The following PRKCZ variants were observed in gnomAD, a reference collection of about 807,000 sequenced individuals.
PRKCZ encodes protein kinase C zeta type.
Under a neutral mutation model 79.5 loss-of-function variants are expected in PRKCZ, and 33 were observed. That is an observed-to-expected ratio of 0.41 (90% CI 0.31 to 0.55). The LOEUF is 0.55. Among genes scored for constraint, PRKCZ ranks in the 20% least tolerant of loss-of-function variants. The pLI is 0.19. For missense variants in PRKCZ, 578 were observed against 813.5 expected (o/e 0.71, Z 3.52); for synonymous variants, 342 against 320.9 (o/e 1.07, Z -0.70).
chr1:2,119,709 C>A (rs1671466485), intron 4 of PRKCZ, among the ~76,000 whole-genome samples: 1 of 152,152 alleles, frequency 6.6e-6, no homozygotes, highest in Non-Finnish European at 1.5e-5. Flanking sequence ...TGGAGACCAG[C>A]TTCCTTCTGC....
Position 2,182,169 on chromosome 1 carries a change from G to GT in PRKCZ, c.1576-2408dup, listed in dbSNP as rs1373387185. On this transcript the variant is annotated intron_variant, in intron 16 of 17. Coordinates refer to ENST00000378567, the MANE Select transcript of PRKCZ (RefSeq NM_002744.6). ...TGTAAGTTCCCAAAAGCCTATGAGG[G>GT]TTTTTTCCACGATTCCGTTCCCAGT... is the stretch of plus-strand genomic sequence containing the variant. 7.7e-5 allele frequency: 17 copies of GT among 221,778 alleles called. No individual in the cohort carries two copies. In the South Asian group the frequency reaches 7.7e-4, roughly 10 times the overall value. The allele number at this position is 221,778 out of a possible 1,614,324, so 13.7% of individuals were successfully genotyped here. A position where few individuals can be genotyped will look rare whatever the true frequency, so the allele number is the denominator to read the frequency against.
rs1666155807 is a variant in PRKCZ at position 2,094,724 on chromosome 1, C to T, written c.334+35133C>T. ...CCGGCTCGTTGAACCTTGGGCGCTG[C>T]CCGTTCTGAGGCGCCCGCTGTGCCC... On this transcript the variant is annotated intron_variant, in intron 4 of 17. Coordinates refer to ENST00000378567, the MANE Select transcript of PRKCZ (RefSeq NM_002744.6). This position sits in a 1 kb window ranked among gnomAD's most constrained non-coding sequence, Gnocchi z 7.3. Among the ~76,000 whole-genome samples the T allele has an allele frequency of 1.3e-5, 2 of 151,586 alleles. No homozygotes were observed. Among genetic ancestry groups the T allele is most frequent in the Non-Finnish European group, 2.9e-5 (2 of 67,882 alleles).
chr1:2,077,180 C>T (rs183943748), intron 4 of PRKCZ, among the ~76,000 whole-genome samples: 18 of 152,306 alleles, frequency 1.2e-4, no homozygotes, highest in South Asian at 8.3e-4. Flanking sequence ...TCCACGCTCA[C>T]GTATCGGGCA....
chr1:2,136,909 G>C (rs1158513673), intron 5 of PRKCZ, among the ~76,000 whole-genome samples: 1 of 152,124 alleles, frequency 6.6e-6, no homozygotes, highest in Non-Finnish European at 1.5e-5. Flanking sequence ...TATGAGTCAG[G>C]GTTCTCCAGA....
chr1:2,143,822 A>G lies in PRKCZ; in HGVS notation c.421-388A>G, dbSNP rs113961850. The G allele has an allele frequency of 8.3e-3, 1,370 of 165,888 alleles. 23 individuals are homozygous for G. Among genetic ancestry groups the G allele is most frequent in the African/African-American group, 0.029 (1,231 of 42,060 alleles). The allele number at this position is 165,888 out of a possible 1,614,324, so 10.3% of individuals were successfully genotyped here. Reference sequence around the variant, plus strand: ...GGTCAGGCAGGGGGTACCCCCACACACTCTGCTTAGCCCTAGACGGGACCC... The same window carrying G: ...GGTCAGGCAGGGGGTACCCCCACACGCTCTGCTTAGCCCTAGACGGGACCC... On this transcript the variant is annotated intron_variant, in intron 5 of 17. Coordinates refer to ENST00000378567, the MANE Select transcript of PRKCZ (RefSeq NM_002744.6).
intron 4 of PRKCZ, among the ~76,000 whole-genome samples, chr1:2,070,619 G>A (rs988282172): frequency 6.6e-6 from 1 of 152,118 alleles, no homozygotes; most frequent in Non-Finnish European, 1.5e-5. Context: ...GGAGGAACCT[G>A]GGCTCTCCCG....
chr1:2,059,708 A>G (rs1023912243), intron 4 of PRKCZ, 117 bp downstream of exon 4: 6 of 1,373,680 alleles, frequency 4.4e-6, no homozygotes, highest in Admixed American at 1.9e-5. Context: ...GTGGAGCGTC[A>G]GGGCAGGAGC....
Position 2,091,664 on chromosome 1 carries a change from G to A in PRKCZ, c.334+32073G>A, listed in dbSNP as rs116844479. Among the ~76,000 whole-genome samples, 3 of 152,284 alleles carry A rather than the reference G, an allele frequency of 2.0e-5. No individual in the cohort carries two copies. The East Asian group carries it at 5.8e-4, about 29-fold the overall frequency. On this transcript the variant is annotated intron_variant, in intron 4 of 17. Transcript: ENST00000378567. ...GCTTGTGTGTCGGCTTTGGAGAAAC[G>A]TCTGCACAGGTCCTTTGCCCGTTTT...
chr1:2,136,057 C>T (rs1202073585), intron 5 of PRKCZ, among the ~76,000 whole-genome samples: 2 of 152,104 alleles, frequency 1.3e-5, no homozygotes, highest in Non-Finnish European at 2.9e-5. Context: ...CCTGACAGCC[C>T]CTCACAGGAG....
At chr1:2,102,303 T>G (rs1022356382) in intron 4 of PRKCZ, among the ~76,000 whole-genome samples, 16 of 133,632 alleles carry the variant, frequency 1.2e-4, no homozygotes, top group Admixed American at 3.8e-4. Flanking sequence ...CTAGTACACG[T>G]TTTTTATTGC....
At position 2,089,008 on chromosome 1, in the gene PRKCZ, T is replaced by C. The variant is rs1665018260; in HGVS notation, c.334+29417T>C. 2.0e-5 allele frequency among the ~76,000 whole-genome samples: 3 copies of C among 152,246 alleles called. No individual in the cohort carries two copies. The South Asian group carries it at 6.2e-4, about 32-fold the overall frequency. On this transcript the variant is annotated intron_variant, in intron 4 of 17. Coordinates refer to ENST00000378567, the MANE Select transcript of PRKCZ (RefSeq NM_002744.6). ...TCTGGTCTTCTATACTATTAGTTTT[T>C]ATAGAAAATACTAGTGATACGAGGT...
intron 4 of PRKCZ, among the ~76,000 whole-genome samples, chr1:2,078,212 C>T (rs1228779096): frequency 6.6e-6 from 1 of 152,248 alleles, no homozygotes; most frequent in Non-Finnish European, 1.5e-5. Context: ...CCCTCTCTTC[C>T]TCTTTCTTGG....
At chr1:2,091,157 A>G (rs1665426814) in intron 4 of PRKCZ, among the ~76,000 whole-genome samples, 4 of 152,070 alleles carry the variant, frequency 2.6e-5, no homozygotes, top group Admixed American at 1.3e-4. Flanking sequence ...TCAGCTTCCC[A>G]AGTAGCTGGG....
intron 4 of PRKCZ, chr1:2,074,028 GCATTT>G: frequency 7.0e-7 from 1 of 1,436,994 alleles, no homozygotes; most frequent in Non-Finnish European, 9.1e-7. Context: ...GCCCGAGTCA[GCATTT>G]TGGGTCTGAG....
At chr1:2,136,748 C>T (rs539674918) in intron 5 of PRKCZ, among the ~76,000 whole-genome samples, 5 of 152,072 alleles carry the variant, frequency 3.3e-5, no homozygotes, top group South Asian at 2.1e-4. Flanking sequence ...AGATCCCGTC[C>T]GCACCCCAGC....
intron 4 of PRKCZ, among the ~76,000 whole-genome samples, chr1:2,086,836 G>A (rs1010023900): frequency 2.6e-5 from 4 of 152,314 alleles, no homozygotes; most frequent in Middle Eastern, 6.8e-3. Flanking sequence ...TTCGAATGCG[G>A]ATGACACAGC....
chr1:2,071,355 G>A (rs780470406), intron 4 of PRKCZ: 33 of 466,054 alleles, frequency 7.1e-5, no homozygotes, highest in Middle Eastern at 7.5e-4. Flanking sequence ...CCCCGGCGGC[G>A]TCTGAGAGGA....
intron 4 of PRKCZ, among the ~76,000 whole-genome samples, chr1:2,124,571 C>T (rs567540137): frequency 8.5e-5 from 13 of 152,236 alleles, no homozygotes; most frequent in African/African-American, 2.2e-4. Flanking sequence ...CCCCGCCCTG[C>T]AGGTTCCGTC....
In PRKCZ at chr1:2,119,185, C is replaced by G. The variant is rs148120324; in HGVS notation, c.335-16077C>G. On this transcript the variant is annotated intron_variant, in intron 4 of 17. Coordinates refer to ENST00000378567, the MANE Select transcript of PRKCZ (RefSeq NM_002744.6). ...CTACTTTTACCATTTTCTTCAAAAC[C>G]TTATAACAGTTTAATTCTTATTTTT... 1.1e-3 allele frequency among the ~76,000 whole-genome samples: 170 copies of G among 149,438 alleles called. 1 individual carries two copies. Among genetic ancestry groups the G allele is most frequent in the African/African-American group, 4.1e-3 (167 of 40,852 alleles).
Sources: allele counts gnomAD v4.1 joint callset (sites outside exome capture counted in the v4.1 genomes callset), GRCh38; gene constraint gnomAD v4.1.1; non-coding constraint Gnocchi (gnomAD v3.1); transcripts MANE v1.5; gene names NCBI Gene and HGNC (gene_info 2026-07-23, HGNC 2026-07-21).